Variants in RYR3 observed in about 807,000 individuals in gnomAD.
RYR3 encodes the protein brain ryanodine receptor-calcium release channel.
In RYR3, 207 loss-of-function variants were observed where a neutral mutation model predicts 584.3. That is an observed-to-expected ratio of 0.35 (90% CI 0.32 to 0.40). The LOEUF is 0.40. Ranked by LOEUF, RYR3 falls within the 10% of genes least tolerant of loss-of-function variation. The pLI, the probability that RYR3 is intolerant of heterozygous loss-of-function variation, is 1.00. For missense variants in RYR3, 5,616 were observed against 6,089.2 expected (o/e 0.92, Z 2.59); for synonymous variants, 2,416 against 2,248.5 (o/e 1.07, Z -2.11).
At chr15:33,622,988 C>T (rs2060801509) in intron 19 of RYR3, among the ~76,000 whole-genome samples, 1 of 152,224 alleles carries the variant, frequency 6.6e-6, no homozygotes, top group African/African-American at 2.4e-5. Context: ...TATTGAAAGA[C>T]TTCTGCATGG....
intron 40 of RYR3, among the ~76,000 whole-genome samples, chr15:33,699,236 G>GTCTCTCTC (rs5811786): frequency 1.1e-3 from 121 of 114,474 alleles, no homozygotes; most frequent in African/African-American, 3.8e-3. Context: ...CTGTCTGTCT[G>GTCTCTCTC]TCTCTCTCTC....
Position 33,539,436 on chromosome 15 carries a change from G to T in RYR3, c.520G>T (p.Val174Phe), listed in dbSNP as rs757325144. The T allele has an allele frequency of 6.3e-7, 1 of 1,598,222 alleles. No individual in the cohort carries two copies. Among genetic ancestry groups the T allele is most frequent in the East Asian group, 2.3e-5 (1 of 44,402 alleles). Reference sequence around the variant, plus strand: ...TCGAATTGGCGATGACCTCATCCTCGTCAGCGTGTCCTCTGAAAGATACCT... The same window carrying T: ...TCGAATTGGCGATGACCTCATCCTCTTCAGCGTGTCCTCTGAAAGATACCT... The part of the protein sequence containing the change: ...KVRIGDDLIL[V>F]SVSSERYLHL... The change falls in exon 6 of 104, where the codon GTC becomes TTC. Residue 174 changes from valine to phenylalanine, a missense_variant. Physicochemically the swap from Val to Phe is conservative, Grantham distance 50 (BLOSUM62 -1). Coordinates refer to ENST00000634891, the MANE Select transcript of RYR3 (RefSeq NM_001036.6).
chr15:33,773,733 A>G (rs1403935346), intron 64 of RYR3, 118 bp downstream of exon 64: 16 of 720,254 alleles, frequency 2.2e-5, no homozygotes, highest in Non-Finnish European at 3.7e-5. Flanking sequence ...ACTGATACAG[A>G]ATGGTGGTTT....
rs575267664 is a variant in RYR3, at chr15:33,578,773, A to C, written c.1269-1203A>C. Among the ~76,000 whole-genome samples, 23 of 43,626 alleles carry C rather than the reference A, an allele frequency of 5.3e-4. 1 individual carries two copies. Among genetic ancestry groups the C allele is most frequent in the Middle Eastern group, 0.031 (1 of 32 alleles). 28.6% of individuals were successfully genotyped at this position (43,626 alleles called of 152,430 possible). On this transcript the variant is annotated intron_variant, in intron 12 of 103. Transcript: ENST00000634891. ...TATCCCAGAACTTAGAATAAAAAAA[A>C]AAAAACAACAACAAAAAAAAACTCC...
intron 27 of RYR3, among the ~76,000 whole-genome samples, chr15:33,639,950 A>G (rs1158845735): frequency 1.3e-5 from 2 of 152,200 alleles, no homozygotes; most frequent in Non-Finnish European, 2.9e-5. Context: ...AAGGAAAGGA[A>G]CATAAAATCC....
At chr15:33,832,095 A>G (rs1316919935) in intron 86 of RYR3, among the ~76,000 whole-genome samples, 1 of 151,904 alleles carries the variant, frequency 6.6e-6, no homozygotes, top group Non-Finnish European at 1.5e-5. Context: ...GGAGTTCGAG[A>G]CCAACCTGGG....
At chr15:33,419,792 A>C (rs1356970044) in intron 1 of RYR3, among the ~76,000 whole-genome samples, 1 of 152,182 alleles carries the variant, frequency 6.6e-6, no homozygotes, top group African/African-American at 2.4e-5. Context: ...AGCAGAAGGA[A>C]AAAGTGATGC....
chr15:33,735,935 T>C (rs2152829031), intron 48 of RYR3, among the ~76,000 whole-genome samples: 1 of 152,360 alleles, frequency 6.6e-6, no homozygotes, highest in South Asian at 2.1e-4. Flanking sequence ...TTCTTTCTGT[T>C]ATATTCTTTG....
At chr15:33,636,146 ATCC>A (rs2061486350) in intron 26 of RYR3, among the ~76,000 whole-genome samples, 1 of 152,158 alleles carries the variant, frequency 6.6e-6, no homozygotes, top group African/African-American at 2.4e-5. Context: ...CCTAGAGAGA[ATCC>A]TGATTATTGC....
intron 26 of RYR3, 31 bp downstream of exon 26, chr15:33,635,850 C>T (rs1423208232): frequency 3.2e-6 from 5 of 1,568,860 alleles, no homozygotes; most frequent in Non-Finnish European, 4.3e-6. Context: ...AACACCCATC[C>T]TCAGACCAAG....
chr15:33,336,501 A>AGAAGGAGG lies in RYR3; in HGVS notation c.51+25452_51+25459dup, dbSNP rs1236824129. Among the ~76,000 whole-genome samples, 35 of 19,112 alleles carry AGAAGGAGG rather than the reference A, an allele frequency of 1.8e-3. 6 individuals are homozygous for AGAAGGAGG. The highest frequency in any genetic ancestry group is 3.1e-3 in the Non-Finnish European group (33 of 10,532). 12.5% of individuals were successfully genotyped at this position (19,112 alleles called of 152,430 possible). ...GAGAGAGAGAGAAAGAAAGAAAGAA[A>AGAAGGAGG]GAAGGAGGGAAGGAGGGAAGGAGGG... On this transcript the variant is annotated intron_variant, in intron 1 of 103. Transcript: ENST00000634891.
At chr15:33,622,540 T>C (rs776347701) in intron 19 of RYR3, among the ~76,000 whole-genome samples, 1 of 152,218 alleles carries the variant, frequency 6.6e-6, no homozygotes, top group African/African-American at 2.4e-5. Flanking sequence ...ATTTGTCTGC[T>C]AGAATACCTG....
Position 33,613,476 on chromosome 15 carries a change from T to C in RYR3, c.2357+101T>C, listed in dbSNP as rs1363055190. 2.5e-6 allele frequency: 3 copies of C among 1,207,686 alleles called. No individual in the cohort carries two copies. In the East Asian group the frequency reaches 7.5e-5, roughly 30 times the overall value. 74.8% of individuals were successfully genotyped at this position (1,207,686 alleles called of 1,614,324 possible). On this transcript the variant is annotated intron_variant, in intron 19 of 103. Coordinates refer to ENST00000634891, the MANE Select transcript of RYR3 (RefSeq NM_001036.6). Reference sequence around the variant, plus strand: ...GCAGTCTCCTTCAGGGCTTCAGTACTGTGAACTAAGTTCCCCAGGACAGTG... The same window carrying C: ...GCAGTCTCCTTCAGGGCTTCAGTACCGTGAACTAAGTTCCCCAGGACAGTG...
At chr15:33,761,207 A>G (rs141697786) in intron 60 of RYR3, among the ~76,000 whole-genome samples, 1,755 of 152,302 alleles carry the variant, frequency 0.012, 26 homozygotes, top group African/African-American at 0.04. Context: ...GAGAAGCAAG[A>G]GCACACAAAT....
At chr15:33,761,451 G>A (rs10163114) in intron 60 of RYR3, among the ~76,000 whole-genome samples, 73,028 of 151,982 alleles carry the variant, frequency 0.48, 18,135 homozygotes, top group African/African-American at 0.61. Flanking sequence ...ACAAACTACC[G>A]TTAGAGAATA....
At chr15:33,533,506 T>A in intron 5 of RYR3, 117 bp downstream of exon 5, 9 of 637,826 alleles carry the variant, frequency 1.4e-5, no homozygotes, top group Admixed American at 5.2e-5. Context: ...GGTTAAGAAA[T>A]AGGTCTGAAA....
rs28696774 is a variant in RYR3, at chr15:33,807,478, G to A, written c.10012-77G>A. The A allele has an allele frequency of 6.4e-3, 8,708 of 1,365,294 alleles. 437 individuals are homozygous for A. The African/African-American group carries it at 0.11, about 17-fold the overall frequency. The allele number at this position is 1,365,294 out of a possible 1,614,324, so 84.6% of individuals were successfully genotyped here. A position where few individuals can be genotyped will look rare whatever the true frequency, so the allele number is the denominator to read the frequency against. On this transcript the variant is annotated intron_variant, in intron 69 of 103. Transcript: ENST00000634891. ...GGCTAAGAAGCTATAACTAACATAT[G>A]GTGCCTTTTGCCTTAGAGCCCTGCT...
In RYR3 at chr15:33,562,821, T is replaced by G; in HGVS notation, c.973-16T>G. 1 of 1,599,480 alleles carries G rather than the reference T, an allele frequency of 6.3e-7. No individual in the cohort carries two copies. Among genetic ancestry groups the G allele is most frequent in the Non-Finnish European group, 8.6e-7 (1 of 1,167,756 alleles). On this transcript the variant is annotated splice_polypyrimidine_tract_variant and intron_variant, in intron 10 of 103. Transcript: ENST00000634891. Reference sequence around the variant, plus strand: ...TCAGCTATGCCTATGTTTGTTTCTTTTTGTGTATGAATTAGGAACTCAAGG... The same window carrying G: ...TCAGCTATGCCTATGTTTGTTTCTTGTTGTGTATGAATTAGGAACTCAAGG...
chr15:33,375,807 G>A (rs1330239279), intron 1 of RYR3, among the ~76,000 whole-genome samples: 2 of 152,230 alleles, frequency 1.3e-5, no homozygotes, highest in Admixed American at 6.5e-5. Context: ...GCTCATGCCT[G>A]TAATCCCAGC....
Sources: gnomAD v4.1 joint callset for allele counts (sites outside exome capture counted in the v4.1 genomes callset) on GRCh38, gnomAD v4.1.1 for gene constraint, MANE v1.5 for transcripts, NCBI Gene and HGNC (gene_info 2026-07-23, HGNC 2026-07-21) for gene names.